ADK: variants seen among roughly 807,000 people sequenced by gnomAD.
ADK encodes adenosine kinase, also known as N6,N6-dimethyladenosine kinase.
In ADK, 24 loss-of-function variants were observed where a neutral mutation model predicts 44.7. The observed-to-expected ratio is 0.54, with a 90% CI of 0.39 to 0.76. The LOEUF (loss-of-function observed/expected upper bound fraction) is 0.76. Among genes scored for constraint, ADK ranks in the 30% least tolerant of loss-of-function variants. The pLI, the probability that ADK is intolerant of heterozygous loss-of-function variation, is 0.00. For synonymous variants in ADK, 128 were observed against 142.6 expected (o/e 0.90, Z 0.73); for missense variants, 321 against 425.1 (o/e 0.76, Z 2.15).
chr10:74,436,787 C>T lies in ADK; in HGVS notation c.555+38208C>T, dbSNP rs182565559. Among the ~76,000 whole-genome samples the T allele has an allele frequency of 7.2e-5, 11 of 152,166 alleles. No individual in the cohort carries two copies. In the East Asian group the frequency reaches 1.9e-3, roughly 27 times the overall value. On this transcript the variant is annotated intron_variant, in intron 6 of 10. Transcript: ENST00000539909. ...ATGGATCACAGCCTTAAATGTAAAA[C>T]GATGAAACTTTTATGAAAAACATAG...
At chr10:74,312,310 G>A (rs1840462152) in intron 3 of ADK, among the ~76,000 whole-genome samples, 1 of 151,794 alleles carries the variant, frequency 6.6e-6, no homozygotes, top group Admixed American at 6.6e-5. Context: ...GTGTGTGTAT[G>A]TATATATATG....
intron 7 of ADK, among the ~76,000 whole-genome samples, chr10:74,557,338 T>A (rs895505635): frequency 3.3e-5 from 5 of 152,226 alleles, no homozygotes; most frequent in African/African-American, 1.2e-4. Context: ...AAAAACCATT[T>A]ATATACTACA....
intron 7 of ADK, among the ~76,000 whole-genome samples, chr10:74,528,785 T>G (rs11814705): frequency 0.03 from 4,556 of 152,130 alleles, 195 homozygotes; most frequent in African/African-American, 0.092. Context: ...AACATAACCA[T>G]TCAAGAAGTG....
chr10:74,313,508 G>A (rs1376264190), intron 3 of ADK, among the ~76,000 whole-genome samples: 1 of 151,556 alleles, frequency 6.6e-6, no homozygotes, highest in African/African-American at 2.4e-5. Context: ...TTTAGCATCC[G>A]GTATTCTTTG....
At chr10:74,582,044 T>C (rs1851389572) in intron 7 of ADK, among the ~76,000 whole-genome samples, 1 of 152,144 alleles carries the variant, frequency 6.6e-6, no homozygotes, top group Non-Finnish European at 1.5e-5. Context: ...GAGAATCCAA[T>C]GATAGAAAGG....
At chr10:74,631,271 T>G (rs1206437053) in intron 9 of ADK, among the ~76,000 whole-genome samples, 3 of 139,708 alleles carry the variant, frequency 2.1e-5, no homozygotes, top group Non-Finnish European at 4.5e-5. Context: ...ATATATATGA[T>G]TTATTTATTT....
At chr10:74,323,792 T>G (rs12354678) in intron 4 of ADK, among the ~76,000 whole-genome samples, 72,435 of 151,764 alleles carry the variant, frequency 0.48, 19,970 homozygotes, top group Non-Finnish European at 0.62. Context: ...GGATGGTCTC[T>G]ATCTCCTGAC....
At chr10:74,303,356 G>A (rs7917790) in intron 3 of ADK, among the ~76,000 whole-genome samples, 118,845 of 151,906 alleles carry the variant, frequency 0.78, 47,906 homozygotes, top group African/African-American at 0.95. Context: ...ATTTAAGAAA[G>A]AAACCTGTTT....
chr10:74,302,083 C>T (rs376364379), intron 3 of ADK, among the ~76,000 whole-genome samples: 2 of 67,738 alleles, frequency 3.0e-5, no homozygotes, highest in Admixed American at 1.4e-4. Context: ...GCTTTCTTTT[C>T]TTTTCTGTTT....
chr10:74,596,539 C>G (rs1851931926), intron 8 of ADK, among the ~76,000 whole-genome samples: 1 of 150,690 alleles, frequency 6.6e-6, no homozygotes, highest in African/African-American at 2.5e-5. Context: ...ATGTCATTCT[C>G]TCTCTCTCTC....
intron 3 of ADK, among the ~76,000 whole-genome samples, chr10:74,313,623 G>A (rs1211532191): frequency 6.6e-6 from 1 of 151,762 alleles, no homozygotes; most frequent in African/African-American, 2.4e-5. Flanking sequence ...TAAACAAGAT[G>A]TGTCCAAGTA....
chr10:74,536,818 C>A (rs1265428856), intron 7 of ADK, among the ~76,000 whole-genome samples: 1 of 152,108 alleles, frequency 6.6e-6, no homozygotes, highest in Non-Finnish European at 1.5e-5. Flanking sequence ...CATGTTATAG[C>A]ATGTTATCAG....
At chr10:74,155,250 A>G (rs1841714275) in intron 1 of ADK, among the ~76,000 whole-genome samples, 1 of 152,078 alleles carries the variant, frequency 6.6e-6, no homozygotes, top group Non-Finnish European at 1.5e-5. Context: ...TGGGAGGCCA[A>G]GGTGGGAGGT....
At chr10:74,257,116 G>A (rs1845852551) in intron 3 of ADK, among the ~76,000 whole-genome samples, 1 of 152,104 alleles carries the variant, frequency 6.6e-6, no homozygotes, top group African/African-American at 2.4e-5. Context: ...CAATTTTATA[G>A]GTTACTGAAC....
At chr10:74,611,185 A>G (rs1304123782) in intron 9 of ADK, among the ~76,000 whole-genome samples, 1 of 146,972 alleles carries the variant, frequency 6.8e-6, no homozygotes, top group Non-Finnish European at 1.5e-5. Context: ...CACCCTGCCC[A>G]GCTAATTTTT....
At chr10:74,584,196 A>G (rs376288473) in intron 7 of ADK, among the ~76,000 whole-genome samples, 7 of 152,220 alleles carry the variant, frequency 4.6e-5, no homozygotes, top group African/African-American at 1.7e-4. Flanking sequence ...ACAGATCATT[A>G]AAGTACTCTA....
intron 7 of ADK, among the ~76,000 whole-genome samples, chr10:74,542,390 G>A (rs1054290360): frequency 6.6e-6 from 1 of 152,166 alleles, no homozygotes; most frequent in Non-Finnish European, 1.5e-5. Context: ...CTAATATGCT[G>A]TGAAAAACAA....
At chr10:74,613,620 T>C (rs1345277208) in intron 9 of ADK, among the ~76,000 whole-genome samples, 1 of 152,120 alleles carries the variant, frequency 6.6e-6, no homozygotes, top group Non-Finnish European at 1.5e-5. Flanking sequence ...AGAAACGTGT[T>C]ACCTCATCTG....
intron 1 of ADK, among the ~76,000 whole-genome samples, chr10:74,184,610 A>G (rs1484211282): frequency 6.6e-6 from 1 of 151,690 alleles, no homozygotes; most frequent in Non-Finnish European, 1.5e-5. Flanking sequence ...TCCTGGCCTC[A>G]AACTCTTGGT....
Sources: gnomAD v4.1 joint callset for allele counts (sites outside exome capture counted in the v4.1 genomes callset) on GRCh38, gnomAD v4.1.1 for gene constraint, MANE v1.5 for transcripts, NCBI Gene and HGNC (gene_info 2026-07-23, HGNC 2026-07-21) for gene names.